The following EDAR variants were observed in gnomAD, a reference collection of about 807,000 sequenced individuals.
EDAR encodes the protein tumor necrosis factor receptor superfamily member EDAR.
EDAR carries 38 observed loss-of-function variants against 51.3 expected under a neutral mutation model. That is an observed-to-expected ratio of 0.74 (90% confidence interval 0.57 to 0.97). The LOEUF (loss-of-function observed/expected upper bound fraction) is 0.97, where lower values mean the gene tolerates loss of function less well. EDAR is among the 50% of genes least tolerant of loss of function. The pLI is 0.00. For synonymous variants in EDAR, 227 were observed against 242.1 expected (o/e 0.94, Z 0.58); for missense variants, 528 against 595.0 (o/e 0.89, Z 1.17).
Position 108,931,022 on chromosome 2 carries a change from C to G in EDAR, c.-8G>C. 1 of 1,614,048 alleles carries G rather than the reference C, an allele frequency of 6.2e-7. No homozygotes were observed. The highest frequency in any genetic ancestry group is 1.1e-5 in the South Asian group (1 of 91,090). On this transcript the variant is annotated 5_prime_UTR_variant, in exon 2 of 12. Coordinates refer to ENST00000258443, the MANE Select transcript of EDAR (RefSeq NM_022336.4). ...GTCCCCCACATGGGCCATCCTCTCC[C>G]AAGGGCTCACCTGAAAGACATGCGT...
intron 1 of EDAR, among the ~76,000 whole-genome samples, chr2:108,950,541 G>C (rs953794105): frequency 6.6e-6 from 1 of 152,170 alleles, no homozygotes; most frequent in African/African-American, 2.4e-5. Context: ...TTGTTTATTC[G>C]TTCATATTCT....
intron 11 of EDAR, among the ~76,000 whole-genome samples, chr2:108,902,854 T>C (rs1449095392): frequency 6.6e-6 from 1 of 152,258 alleles, no homozygotes; most frequent in Non-Finnish European, 1.5e-5. Flanking sequence ...GGATTTCTGC[T>C]TCTGCTTCAT....
intron 11 of EDAR, among the ~76,000 whole-genome samples, chr2:108,899,273 A>G (rs534417592): frequency 6.6e-6 from 1 of 152,340 alleles, no homozygotes; most frequent in South Asian, 2.1e-4. Flanking sequence ...AGTATTTCCA[A>G]GTACTGAAAG....
chr2:108,929,984 G>T, intron 3 of EDAR, 136 bp downstream of exon 3: 1 of 1,091,436 alleles, frequency 9.2e-7, no homozygotes, highest in Non-Finnish European at 1.3e-6. Context: ...CAATCTCAAC[G>T]TCCAGGGAGC....
At chr2:108,988,514 T>A (rs1698536614) in intron 1 of EDAR, among the ~76,000 whole-genome samples, 2 of 152,038 alleles carry the variant, frequency 1.3e-5, no homozygotes, top group African/African-American at 4.8e-5. Context: ...GAAACCCCAC[T>A]TGGAAGGTCT....
chr2:108,906,055 G>A (rs971410183), intron 11 of EDAR, among the ~76,000 whole-genome samples: 1 of 147,364 alleles, frequency 6.8e-6, no homozygotes, highest in Non-Finnish European at 1.5e-5. Flanking sequence ...TACAGTGGGT[G>A]CCTGCACCAG....
intron 1 of EDAR, among the ~76,000 whole-genome samples, chr2:108,964,163 C>T (rs1408932693): frequency 6.6e-6 from 1 of 152,160 alleles, no homozygotes; most frequent in African/African-American, 2.4e-5. Flanking sequence ...CTTTCAGATC[C>T]CTCCCACCTC....
chr2:108,943,251 G>T (rs1697643755), intron 1 of EDAR, among the ~76,000 whole-genome samples: 1 of 152,206 alleles, frequency 6.6e-6, no homozygotes, highest in Admixed American at 6.5e-5. Context: ...GAGGTACCTA[G>T]CTAGAGCACC....
At chr2:108,901,953 A>C (rs552800908) in intron 11 of EDAR, among the ~76,000 whole-genome samples, 1 of 152,026 alleles carries the variant, frequency 6.6e-6, no homozygotes, top group South Asian at 2.1e-4. Context: ...AAATACAAAA[A>C]TTAGGGCTGG....
chr2:108,907,647 TC>T (rs1168691218), intron 10 of EDAR, among the ~76,000 whole-genome samples: 51 of 28,188 alleles, frequency 1.8e-3, no homozygotes, highest in Non-Finnish European at 2.8e-3. Context: ...GACTCTCATC[TC>T]CAAAAAAAAA....
At chr2:108,919,151 T>C (rs1042915258) in intron 5 of EDAR, among the ~76,000 whole-genome samples, 1 of 152,136 alleles carries the variant, frequency 6.6e-6, no homozygotes, top group Non-Finnish European at 1.5e-5. Flanking sequence ...GGAGGCCCGC[T>C]TCACACCTGA....
intron 5 of EDAR, among the ~76,000 whole-genome samples, chr2:108,919,097 G>GGC (rs1031499320): frequency 6.6e-6 from 1 of 152,180 alleles, no homozygotes; most frequent in Admixed American, 6.5e-5. Flanking sequence ...AGGTCTGAGA[G>GGC]GCTCTGAGCC....
At chr2:108,979,467 T>TCACACACACA (rs5833308) in intron 1 of EDAR, among the ~76,000 whole-genome samples, 1 of 147,112 alleles carries the variant, frequency 6.8e-6, no homozygotes, top group Non-Finnish European at 1.5e-5. Context: ...TCTCTCTCTC[T>TCACACACACA]CACACACACA....
intron 1 of EDAR, among the ~76,000 whole-genome samples, chr2:108,948,628 A>C (rs1044866315): frequency 1.3e-5 from 2 of 152,152 alleles, no homozygotes; most frequent in Admixed American, 6.5e-5. Flanking sequence ...AGAGAGAGAG[A>C]GAGTGAAGTG....
At chr2:108,972,689 G>C (rs962325103) in intron 1 of EDAR, among the ~76,000 whole-genome samples, 1 of 152,238 alleles carries the variant, frequency 6.6e-6, no homozygotes, top group Non-Finnish European at 1.5e-5. Flanking sequence ...AACTTGACGT[G>C]ATCATTTGAA....
intron 1 of EDAR, among the ~76,000 whole-genome samples, chr2:108,977,123 C>T (rs1351392264): frequency 6.9e-6 from 1 of 144,626 alleles, no homozygotes; most frequent in Non-Finnish European, 1.5e-5. Context: ...TTCCAGTGGC[C>T]CCCACTGGCC....
chr2:108,942,645 G>T (rs770204058), intron 1 of EDAR, among the ~76,000 whole-genome samples: 16 of 152,164 alleles, frequency 1.1e-4, no homozygotes, highest in Non-Finnish European at 1.9e-4. Context: ...TGCTTTCCAC[G>T]CCAGAGGCCT....
Position 108,912,524 on chromosome 2 carries a change from G to A in EDAR, c.529+154C>T, listed in dbSNP as rs749420920. 1.5e-4 allele frequency among the ~76,000 whole-genome samples: 23 copies of A among 152,128 alleles called. 1 individual carries two copies. The highest frequency in any genetic ancestry group is 5.2e-4 in the Admixed American group (8 of 15,278). On this transcript the variant is annotated intron_variant, in intron 6 of 11. Coordinates refer to ENST00000258443, the MANE Select transcript of EDAR (RefSeq NM_022336.4). Reference sequence around the variant, plus strand: ...TTGCAGATATAATGACTTCCTGCACGGGGGGCAACATGTCATTCAATTACA... The same window carrying A: ...TTGCAGATATAATGACTTCCTGCACAGGGGGCAACATGTCATTCAATTACA...
In EDAR at chr2:108,974,019, T is replaced by C. The variant is rs141091108; in HGVS notation, c.-19+14941A>G. ...TGTCCATTCATTCTCCAAATAGAAA[T>C]AATAAGAAAAATAGAAATGCCACAT... On this transcript the variant is annotated intron_variant, in intron 1 of 11. Transcript: ENST00000258443. Among the ~76,000 whole-genome samples the C allele has an allele frequency of 7.5e-3, 1,137 of 152,090 alleles. 12 individuals are homozygous for C. The highest frequency in any genetic ancestry group is 0.024 in the Middle Eastern group (7 of 294).
Sources: allele counts gnomAD v4.1 joint callset (sites outside exome capture counted in the v4.1 genomes callset), GRCh38; gene constraint gnomAD v4.1.1; transcripts MANE v1.5; gene names NCBI Gene and HGNC (gene_info 2026-07-23, HGNC 2026-07-21).